The following KCNG3 variants were observed in gnomAD, a reference collection of about 807,000 sequenced individuals.
KCNG3 encodes the protein voltage-gated potassium channel regulatory subunit KCNG3.
KCNG3 carries 15 observed loss-of-function variants against 29.0 expected under a neutral mutation model. That is an observed-to-expected ratio of 0.52 (90% CI 0.35 to 0.80). The LOEUF (loss-of-function observed/expected upper bound fraction) is 0.80. KCNG3 is among the 30% of genes least tolerant of loss of function. The pLI is 0.01. For synonymous variants in KCNG3, 322 were observed against 248.9 expected, an observed-to-expected ratio of 1.29 and a Z score of -2.76; for missense variants, 512 against 605.7, an observed-to-expected ratio of 0.85 and a Z score of 1.62.
rs771996239 is a variant in KCNG3 at position 42,493,364 on chromosome 2, G to C, written c.138C>G (p.Asp46Glu). 6.4e-7 allele frequency: 1 copy of C among 1,572,384 alleles called. No individual in the cohort carries two copies. Among genetic ancestry groups the C allele is most frequent in the South Asian group, 1.2e-5 (1 of 85,256 alleles). ...CGTAGTCGTCGCACACCTCGAGCAC[G>C]TCGCGCTCGGAGCGGCAGCCGTGCA... ...SRLHGCRSER[D>E]VLEVCDDYDR... Residue 46 changes from aspartate (D) to glutamate (E), a missense_variant, in exon 1 of 2, where the codon GAC becomes GAG. Coordinates refer to ENST00000306078, the MANE Select transcript of KCNG3 (RefSeq NM_133329.6).
At position 42,448,377 on chromosome 2, in the gene KCNG3, T is replaced by C. The variant is rs151268091; in HGVS notation, c.666-3798A>G. Among the ~76,000 whole-genome samples, 1,031 of 149,930 alleles carry C rather than the reference T, an allele frequency of 6.9e-3. 14 individuals carry two copies. Among genetic ancestry groups the C allele is most frequent in the African/African-American group, 0.025 (988 of 39,640 alleles). ...TTTATTTATTTATTTATTTATTTATTTATTTATTTTTTGTATGGCATGCAA... is the reference window on the plus strand; with the variant it reads ...TTTATTTATTTATTTATTTATTTATCTATTTATTTTTTGTATGGCATGCAA... On this transcript the variant is annotated intron_variant, in intron 1 of 1. Transcript: ENST00000306078.
the KCNG3 span, among the ~76,000 whole-genome samples, chr2:42,428,635 A>G: frequency 2.0e-5 from 3 of 152,168 alleles, no homozygotes; most frequent in Admixed American, 6.6e-5. Context: ...ATTTCTTACT[A>G]TATTTCCAAA....
chr2:42,488,257 T>C (rs1673778847), intron 1 of KCNG3, among the ~76,000 whole-genome samples: 1 of 152,240 alleles, frequency 6.6e-6, no homozygotes, highest in Admixed American at 6.5e-5. Context: ...ACCTAAGATT[T>C]CTTCCAAACT....
chr2:42,430,665 GA>G, the KCNG3 span, among the ~76,000 whole-genome samples: 1 of 151,974 alleles, frequency 6.6e-6, no homozygotes, highest in Non-Finnish European at 1.5e-5. Context: ...GTGGGAGTGG[GA>G]GGATCACTTG....
chr2:42,428,458 G>GAA, the KCNG3 span, among the ~76,000 whole-genome samples: 32,948 of 103,582 alleles, frequency 0.32, 4,882 homozygotes, highest in East Asian at 0.58. Flanking sequence ...CCCGGTCTCG[G>GAA]GAAAAAAAAA....
chr2:42,455,576 C>A (rs1672857212), intron 1 of KCNG3, among the ~76,000 whole-genome samples: 1 of 152,082 alleles, frequency 6.6e-6, no homozygotes, highest in Non-Finnish European at 1.5e-5. Flanking sequence ...ACAGAGAGAT[C>A]TCACAATATA....
At chr2:42,483,991 C>G (rs1673654529) in intron 1 of KCNG3, among the ~76,000 whole-genome samples, 4 of 152,146 alleles carry the variant, frequency 2.6e-5, no homozygotes, top group Admixed American at 2.6e-4. Context: ...CCATGTTGCC[C>G]AGGCTGGTCT....
the KCNG3 span, among the ~76,000 whole-genome samples, chr2:42,413,062 A>G: frequency 1.3e-5 from 2 of 152,132 alleles, no homozygotes; most frequent in Non-Finnish European, 2.9e-5. Flanking sequence ...TTTTATCCCC[A>G]GGGCTCAACT....
chr2:42,398,587 G>A, the KCNG3 span, among the ~76,000 whole-genome samples: 1 of 152,120 alleles, frequency 6.6e-6, no homozygotes, highest in African/African-American at 2.4e-5. Context: ...TTCTGAAACG[G>A]CCCAGGAGCA....
chr2:42,436,639 A>G, the KCNG3 span, among the ~76,000 whole-genome samples: 2 of 152,226 alleles, frequency 1.3e-5, no homozygotes, highest in Admixed American at 1.3e-4. Flanking sequence ...AACAGAATAC[A>G]GTGTGAGTCG....
the KCNG3 span, among the ~76,000 whole-genome samples, chr2:42,389,043 G>A: frequency 1.3e-5 from 2 of 151,910 alleles, no homozygotes; most frequent in Non-Finnish European, 1.5e-5. Context: ...TCAGCCTCCC[G>A]AGTAGCTGGG....
chr2:42,422,284 G>A, the KCNG3 span, among the ~76,000 whole-genome samples: 5 of 152,232 alleles, frequency 3.3e-5, no homozygotes, highest in Admixed American at 1.3e-4. Flanking sequence ...TATCTTGAGA[G>A]TAGTTTTCTA....
At chr2:42,492,813 G>A (rs957732761) in intron 1 of KCNG3, 24 bp downstream of exon 1, 2 of 1,452,786 alleles carry the variant, frequency 1.4e-6, no homozygotes, top group Non-Finnish European at 1.8e-6. Context: ...CGGACGGGAC[G>A]GGTAGAGAAG....
the KCNG3 span, among the ~76,000 whole-genome samples, chr2:42,402,018 T>C: frequency 6.6e-6 from 1 of 152,190 alleles, no homozygotes; most frequent in Non-Finnish European, 1.5e-5. Flanking sequence ...AGGGTGTTTA[T>C]GGGGGTGTTT....
chr2:42,438,608 C>T (rs1672416549), downstream of KCNG3, among the ~76,000 whole-genome samples: 1 of 152,118 alleles, frequency 6.6e-6, no homozygotes, highest in South Asian at 2.1e-4. Context: ...AGCATAAATG[C>T]AGATTATCAA....
chr2:42,466,677 A>G (rs182451857), intron 1 of KCNG3, among the ~76,000 whole-genome samples: 1 of 152,182 alleles, frequency 6.6e-6, no homozygotes, highest in East Asian at 1.9e-4. Flanking sequence ...GTGGGAGTAC[A>G]GAATGGTAGA....
chr2:42,451,481 T>C (rs955519207), intron 1 of KCNG3, among the ~76,000 whole-genome samples: 3 of 151,856 alleles, frequency 2.0e-5, no homozygotes, highest in South Asian at 2.1e-4. Flanking sequence ...TCCCAGCACT[T>C]TGGGAGGCTG....
chr2:42,424,072 CCAGGATTCTACTTTCCACAAATCCTT>C, the KCNG3 span, among the ~76,000 whole-genome samples: 2 of 152,172 alleles, frequency 1.3e-5, no homozygotes, highest in African/African-American at 4.8e-5. Flanking sequence ...CTTTGCAAAT[CCAGGATTCTACTTTCCACAAATCCTT>C]CAGGATTCTA....
At chr2:42,457,914 G>A (rs1197371251) in intron 1 of KCNG3, among the ~76,000 whole-genome samples, 2 of 152,026 alleles carry the variant, frequency 1.3e-5, no homozygotes, top group Non-Finnish European at 2.9e-5. Context: ...CTTGAGCTCA[G>A]GCTTCAAAAC....
Sources: gnomAD v4.1 joint callset for allele counts (sites outside exome capture counted in the v4.1 genomes callset) on GRCh38, gnomAD v4.1.1 for gene constraint, MANE v1.5 for transcripts, NCBI Gene and HGNC (gene_info 2026-07-23, HGNC 2026-07-21) for gene names.